Variants in HMGA2 observed in about 807,000 individuals in gnomAD.
The protein encoded by HMGA2 is high mobility group protein HMGI-C.
HMGA2 carries 8 observed loss-of-function variants against 19.1 expected under a neutral mutation model. That is an observed-to-expected ratio of 0.42 (90% CI 0.25 to 0.76). The LOEUF (loss-of-function observed/expected upper bound fraction) is 0.76. Among genes scored for constraint, HMGA2 ranks in the 30% least tolerant of loss-of-function variants. The pLI, the probability that HMGA2 is intolerant of heterozygous loss-of-function variation, is 0.28. For missense variants in HMGA2, 109 were observed against 136.3 expected (o/e 0.80, Z 1.00); for synonymous variants, 60 against 48.8 (o/e 1.23, Z -0.96).
intron 4 of HMGA2, chr12:65,957,218 T>C (rs1208438859): frequency 6.6e-6 from 1 of 152,268 alleles, no homozygotes; most frequent in Non-Finnish European, 1.5e-5. Context: ...GAAAAGGTTT[T>C]TCCTAGTCTA....
rs1314339486 is a variant in HMGA2 at position 65,881,887 on chromosome 12, C to T, written c.249+43318C>T. ...GCACTCAGAGGTGGCCCGAGAGAGC[C>T]CCGGTAGGTCCCGGAGTATGTTTCC... On this transcript the variant is annotated intron_variant, in intron 3 of 4. Transcript: ENST00000403681. 8.5e-6 allele frequency: 6 copies of T among 702,504 alleles called. No homozygotes were observed. The Admixed American group carries it at 1.0e-4, about 12-fold the overall frequency. 43.5% of individuals were successfully genotyped at this position (702,504 alleles called of 1,614,324 possible).
At chr12:65,848,780 C>T (rs1189788743) in intron 3 of HMGA2, among the ~76,000 whole-genome samples, 6 of 151,974 alleles carry the variant, frequency 3.9e-5, no homozygotes, top group African/African-American at 9.7e-5. Flanking sequence ...GGCGTGAACC[C>T]GGGAGGCGGA....
intron 3 of HMGA2, among the ~76,000 whole-genome samples, chr12:65,940,602 C>T (rs1381284843): frequency 6.6e-6 from 1 of 152,112 alleles, no homozygotes; most frequent in African/African-American, 2.4e-5. Context: ...TTGCCTATAA[C>T]ACTGATTTTC....
intron 3 of HMGA2, among the ~76,000 whole-genome samples, chr12:65,944,150 G>C (rs1158892767): frequency 1.3e-5 from 2 of 152,002 alleles, no homozygotes; most frequent in African/African-American, 4.8e-5. Context: ...ACATTCCTTA[G>C]GTACATTAAA....
intron 3 of HMGA2, among the ~76,000 whole-genome samples, chr12:65,890,888 T>C (rs573647619): frequency 7.2e-5 from 11 of 152,092 alleles, no homozygotes; most frequent in African/African-American, 2.7e-4. Context: ...CGTGCCCGGC[T>C]TTTTTTGCAT....
chr12:65,838,501 T>A lies in HMGA2; in HGVS notation c.199-18T>A, dbSNP rs773547960. On this transcript the variant is annotated intron_variant, in intron 2 of 4. Transcript: ENST00000403681. ...ATGTCAGGTAGAAAACTATAATGAC[T>A]TCCTTTTTCATTTGCAGAAAGCAGA... is the stretch of plus-strand genomic sequence containing the variant. The A allele has an allele frequency of 6.2e-6, 10 of 1,604,730 alleles. No homozygotes were observed. The Admixed American group carries it at 1.3e-4, about 21-fold the overall frequency.
At chr12:65,837,151 C>T (rs957753038) in intron 2 of HMGA2, among the ~76,000 whole-genome samples, 14 of 152,146 alleles carry the variant, frequency 9.2e-5, no homozygotes, top group African/African-American at 2.7e-4. Context: ...GACTGACAAT[C>T]GAGTGCCTGG....
chr12:65,912,041 C>G (rs1007681975), intron 3 of HMGA2, among the ~76,000 whole-genome samples: 1 of 152,134 alleles, frequency 6.6e-6, no homozygotes, highest in African/African-American at 2.4e-5. Context: ...GAGCTTCAGG[C>G]TGGTGATCCC....
chr12:65,881,290 G>T (rs1051234474), intron 3 of HMGA2: 1 of 166,756 alleles, frequency 6.0e-6, no homozygotes, highest in Non-Finnish European at 1.3e-5. Context: ...TGAGAGTTTG[G>T]TGTCATGTTG....
At chr12:65,829,069 G>A (rs1870361205) in intron 2 of HMGA2, 1 of 152,068 alleles carries the variant, frequency 6.6e-6, no homozygotes, top group African/African-American at 2.4e-5. Context: ...CCGGTTTTGG[G>A]TACTCCATGT....
rs11175982 is a variant in HMGA2, at chr12:65,966,288, C to T, written c.*2996C>T. The T allele has an allele frequency of 0.22, 41,444 of 185,090 alleles. 6,450 individuals are homozygous for T. The highest frequency in any genetic ancestry group is 0.71 in the East Asian group (8,096 of 11,408). The allele number at this position is 185,090 out of a possible 1,614,324, so 11.5% of individuals were successfully genotyped here. A position where few individuals can be genotyped will look rare whatever the true frequency, so the allele number is the denominator to read the frequency against. On this transcript the variant is annotated 3_prime_UTR_variant, in exon 5 of 5. Coordinates refer to ENST00000403681, the MANE Select transcript of HMGA2 (RefSeq NM_003483.6). Reference sequence around the variant, plus strand: ...AATGAGTAATAAAGTTTGGTCAAAACAGATCAAGGAGGGAGACACTCACAA... The same window carrying T: ...AATGAGTAATAAAGTTTGGTCAAAATAGATCAAGGAGGGAGACACTCACAA...
intron 3 of HMGA2, among the ~76,000 whole-genome samples, chr12:65,945,636 T>G (rs1323041471): frequency 1.3e-5 from 2 of 152,180 alleles, no homozygotes; most frequent in Admixed American, 6.5e-5. Flanking sequence ...CTCCCATCAA[T>G]GTGCCCAACC....
At chr12:65,909,589 AAACC>A (rs976062848) in intron 3 of HMGA2, among the ~76,000 whole-genome samples, 6 of 152,290 alleles carry the variant, frequency 3.9e-5, no homozygotes, top group African/African-American at 1.4e-4. Context: ...GTCTATTTAG[AAACC>A]AACCAACCAA....
At chr12:65,897,737 A>C (rs1335983457) in intron 3 of HMGA2, among the ~76,000 whole-genome samples, 2 of 152,208 alleles carry the variant, frequency 1.3e-5, no homozygotes, top group African/African-American at 4.8e-5. Context: ...AGGCAGGCAG[A>C]TCACCTGAGG....
Position 65,965,905 on chromosome 12 carries a change from T to C in HMGA2, c.*2613T>C, listed in dbSNP as rs1876894421. ...GTAAGAACATCATAAAATTTTTATATATATAGTTTATTTTTGTGGGAGATA... is the reference window on the plus strand; with the variant it reads ...GTAAGAACATCATAAAATTTTTATACATATAGTTTATTTTTGTGGGAGATA... On this transcript the variant is annotated 3_prime_UTR_variant, in exon 5 of 5. Transcript: ENST00000403681. 9.3e-6 allele frequency: 2 copies of C among 214,514 alleles called. No individual in the cohort carries two copies. Among genetic ancestry groups the C allele is most frequent in the Admixed American group, 5.9e-5 (1 of 17,094 alleles). The allele number at this position is 214,514 out of a possible 1,614,324, so 13.3% of individuals were successfully genotyped here. A position where few individuals can be genotyped will look rare whatever the true frequency, so the allele number is the denominator to read the frequency against.
chr12:65,854,818 C>T (rs1871651176), intron 3 of HMGA2, among the ~76,000 whole-genome samples: 1 of 152,220 alleles, frequency 6.6e-6, no homozygotes, highest in Non-Finnish European at 1.5e-5. Flanking sequence ...TCTCTAAGTA[C>T]ACAAGAACTT....
In HMGA2 at chr12:65,951,618, G is replaced by A. The variant is rs945957795; in HGVS notation, c.282+203G>A. ...CCATGAAAACCTCCCAAAATGTAAG[G>A]TCTTAAGTGTACAAAGCAAATATAA... On this transcript the variant is annotated intron_variant, in intron 4 of 4. Coordinates refer to ENST00000403681, the MANE Select transcript of HMGA2 (RefSeq NM_003483.6). 2.9e-5 allele frequency: 14 copies of A among 485,276 alleles called. No individual in the cohort carries two copies. The Admixed American group carries it at 4.5e-4, about 16-fold the overall frequency. 30.1% of individuals were successfully genotyped at this position (485,276 alleles called of 1,614,324 possible).
At chr12:65,870,588 G>T (rs1415093960) in intron 3 of HMGA2, among the ~76,000 whole-genome samples, 4 of 152,196 alleles carry the variant, frequency 2.6e-5, no homozygotes, top group Admixed American at 2.6e-4. Context: ...AAATTAGCCA[G>T]GCGTGGTGGC....
Position 65,912,757 on chromosome 12 carries a change from G to T in HMGA2, c.250-38626G>T, listed in dbSNP as rs954911325. On this transcript the variant is annotated intron_variant, in intron 3 of 4. Coordinates refer to ENST00000403681, the MANE Select transcript of HMGA2 (RefSeq NM_003483.6). Reference sequence around the variant, plus strand: ...TTAACGTCATGCCATAGCTCCATCAGCTATTTACTGGATGAGTCCCTCTTC... The same window carrying T: ...TTAACGTCATGCCATAGCTCCATCATCTATTTACTGGATGAGTCCCTCTTC... Among the ~76,000 whole-genome samples, 8 of 152,142 alleles carry T rather than the reference G, an allele frequency of 5.3e-5. No individual in the cohort carries two copies. In the East Asian group the frequency reaches 1.5e-3, roughly 29 times the overall value.
Sources: allele counts gnomAD v4.1 joint callset (sites outside exome capture counted in the v4.1 genomes callset), GRCh38; gene constraint gnomAD v4.1.1; transcripts MANE v1.5; gene names NCBI Gene and HGNC (gene_info 2026-07-23, HGNC 2026-07-21).